Variants in ASCC1 observed in about 807,000 individuals in gnomAD.
The protein encoded by ASCC1 is activating signal cointegrator 1 complex subunit 1.
ASCC1 carries 35 observed loss-of-function variants against 46.6 expected under a neutral mutation model. That is an observed-to-expected ratio of 0.75 (90% confidence interval 0.57 to 0.99). ASCC1 has a LOEUF of 0.99. ASCC1 is among the 50% of genes least tolerant of loss of function. The pLI is 0.00. For missense variants in ASCC1, 376 were observed against 428.7 expected (o/e 0.88, Z 1.09); for synonymous variants, 143 against 146.6 (o/e 0.98, Z 0.18).
At chr10:72,206,829 G>A (rs991667791) in intron 3 of ASCC1, among the ~76,000 whole-genome samples, 1 of 152,080 alleles carries the variant, frequency 6.6e-6, no homozygotes, top group South Asian at 2.1e-4. Flanking sequence ...GGCTGCTAGG[G>A]GCAGGGTGCT....
intron 3 of ASCC1, 70 bp downstream of exon 3, chr10:72,210,662 C>T (rs1857943989): frequency 3.1e-5 from 40 of 1,287,922 alleles, no homozygotes; most frequent in Non-Finnish European, 4.4e-5. Context: ...GTATGGAAGA[C>T]CAAAGGGTCC....
chr10:72,105,040 T>A (rs1842190806), intron 9 of ASCC1, among the ~76,000 whole-genome samples: 1 of 152,110 alleles, frequency 6.6e-6, no homozygotes. Flanking sequence ...CTGAGAGCCA[T>A]TTCCATCACT....
At chr10:72,208,133 C>T (rs767574786) in intron 3 of ASCC1, among the ~76,000 whole-genome samples, 16 of 151,864 alleles carry the variant, frequency 1.1e-4, no homozygotes, top group Non-Finnish European at 1.9e-4. Context: ...CCCAGCCTTC[C>T]GAGTAAATAT....
chr10:72,166,530 CCTT>C (rs891702380), intron 5 of ASCC1, among the ~76,000 whole-genome samples: 6 of 150,190 alleles, frequency 4.0e-5, no homozygotes, highest in African/African-American at 1.2e-4. Context: ...ACAATATCTG[CCTT>C]TTTTTAGATA....
In ASCC1 at chr10:72,096,587, G is replaced by C; in HGVS notation, c.*747C>G. 1 of 453,882 alleles carries C rather than the reference G, an allele frequency of 2.2e-6. No individual in the cohort carries two copies. Among genetic ancestry groups the C allele is most frequent in the South Asian group, 1.6e-5 (1 of 64,464 alleles). The allele number at this position is 453,882 out of a possible 1,614,324, so 28.1% of individuals were successfully genotyped here. A position where few individuals can be genotyped will look rare whatever the true frequency, so the allele number is the denominator to read the frequency against. On this transcript the variant is annotated 3_prime_UTR_variant, in exon 10 of 10. Coordinates refer to ENST00000672957, the MANE Select transcript of ASCC1 (RefSeq NM_001198800.3). ...AACTCTGGGTGGTAAAGGAATTAAA[G>C]GCAGAGTCTCAAAGAGATATTTGCA...
At chr10:72,150,676 G>A (rs897042544) in intron 7 of ASCC1, among the ~76,000 whole-genome samples, 2 of 152,156 alleles carry the variant, frequency 1.3e-5, no homozygotes, top group African/African-American at 4.8e-5. Flanking sequence ...TACAGAATGG[G>A]AGAAAATTTT....
Position 72,105,002 on chromosome 10 carries a change from C to G in ASCC1, c.958-7552G>C, listed in dbSNP as rs181492073. Among the ~76,000 whole-genome samples the G allele has an allele frequency of 2.2e-3, 331 of 152,198 alleles. 5 individuals carry two copies. The highest frequency in any genetic ancestry group is 6.8e-3 in the African/African-American group (281 of 41,482). ...CTTTGGGGTAAGATTACTTGCCCAT[C>G]CCGTCCCTTCTCCAGCTCCCATGTC... On this transcript the variant is annotated intron_variant, in intron 9 of 9. Transcript: ENST00000672957.
At chr10:72,099,689 G>A (rs868797347) in intron 9 of ASCC1, among the ~76,000 whole-genome samples, 26 of 152,090 alleles carry the variant, frequency 1.7e-4, no homozygotes, top group African/African-American at 9.7e-5. Context: ...GCGTGGCAGC[G>A]CATGCCTGTA....
At chr10:72,118,166 G>A (rs1036668327) in intron 9 of ASCC1, among the ~76,000 whole-genome samples, 32 of 151,958 alleles carry the variant, frequency 2.1e-4, no homozygotes, top group Admixed American at 2.0e-4. Flanking sequence ...AGGAGATCGA[G>A]ACCATCCTGG....
At chr10:72,119,266 G>A (rs1216341180) in intron 9 of ASCC1, among the ~76,000 whole-genome samples, 1 of 152,182 alleles carries the variant, frequency 6.6e-6, no homozygotes, top group East Asian at 1.9e-4. Context: ...TCTGAAATAT[G>A]CCAGACCACT....
chr10:72,195,568 T>A (rs1855286544), intron 5 of ASCC1, among the ~76,000 whole-genome samples: 1 of 151,900 alleles, frequency 6.6e-6, no homozygotes, highest in African/African-American at 2.4e-5. Context: ...TATTTATTTT[T>A]TTTTTGAGAT....
intron 7 of ASCC1, among the ~76,000 whole-genome samples, chr10:72,139,721 A>G (rs918106317): frequency 6.6e-6 from 1 of 152,202 alleles, no homozygotes; most frequent in African/African-American, 2.4e-5. Flanking sequence ...CAGAATGATC[A>G]CTGACTGCCT....
chr10:72,128,471 A>G (rs1482602489), intron 8 of ASCC1, among the ~76,000 whole-genome samples: 1 of 152,226 alleles, frequency 6.6e-6, no homozygotes, highest in Non-Finnish European at 1.5e-5. Flanking sequence ...TCCATTGTGG[A>G]CCTTAGTTCC....
At chr10:72,114,090 C>G (rs1228519237) in intron 9 of ASCC1, among the ~76,000 whole-genome samples, 2 of 152,164 alleles carry the variant, frequency 1.3e-5, no homozygotes, top group Non-Finnish European at 2.9e-5. Context: ...GTCCATGTTT[C>G]AAGTTAATCA....
intron 7 of ASCC1, among the ~76,000 whole-genome samples, chr10:72,145,032 T>C (rs1847468724): frequency 6.6e-6 from 1 of 152,214 alleles, no homozygotes; most frequent in Non-Finnish European, 1.5e-5. Context: ...CATACCTTTG[T>C]TGTTTAAATA....
chr10:72,105,384 A>T (rs1433765788), intron 9 of ASCC1, among the ~76,000 whole-genome samples: 1 of 152,226 alleles, frequency 6.6e-6, no homozygotes, highest in Non-Finnish European at 1.5e-5. Context: ...GGCCAGCCAG[A>T]TCCCATACTC....
At chr10:72,140,130 C>A (rs886295836) in intron 7 of ASCC1, among the ~76,000 whole-genome samples, 11 of 152,168 alleles carry the variant, frequency 7.2e-5, no homozygotes, top group African/African-American at 2.7e-4. Context: ...ACATCTATGT[C>A]ATGCATTACA....
chr10:72,197,767 G>A (rs1486549852), intron 4 of ASCC1, among the ~76,000 whole-genome samples: 1 of 151,126 alleles, frequency 6.6e-6, no homozygotes, highest in Non-Finnish European at 1.5e-5. Context: ...TTAGCTGGGT[G>A]TGGTGTCACA....
chr10:72,198,341 GGGA>G (rs1855909259), intron 4 of ASCC1: 4 of 47,870 alleles, frequency 8.4e-5, no homozygotes, highest in Admixed American at 3.3e-4. Flanking sequence ...GGGAGGAGAG[GGGA>G]GGGGAGGGGA....
Sources: allele counts gnomAD v4.1 joint callset (sites outside exome capture counted in the v4.1 genomes callset), GRCh38; gene constraint gnomAD v4.1.1; transcripts MANE v1.5; gene names NCBI Gene and HGNC (gene_info 2026-07-23, HGNC 2026-07-21).